The following GALNT17 variants were observed in gnomAD, a reference collection of about 807,000 sequenced individuals.
GALNT17 encodes UDP-GalNAc:polypeptide N-acetylgalactosaminyltransferase-like 3.
GALNT17 carries 29 observed loss-of-function variants against 63.7 expected under a neutral mutation model. The observed-to-expected ratio is 0.46, with a 90% confidence interval of 0.34 to 0.62. The LOEUF (loss-of-function observed/expected upper bound fraction) is 0.62, where lower values mean the gene tolerates loss of function less well. GALNT17 is among the 20% of genes least tolerant of loss of function. GALNT17 has a pLI of 0.01. For missense variants in GALNT17, 603 were observed against 799.6 expected (o/e 0.75, Z 2.97); for synonymous variants, 305 against 318.3 (o/e 0.96, Z 0.45).
chr7:71,355,573 C>T (rs538317862), intron 2 of GALNT17, among the ~76,000 whole-genome samples: 146 of 152,034 alleles, frequency 9.6e-4, no homozygotes, highest in Admixed American at 2.3e-3. Flanking sequence ...CACTCTGTCA[C>T]CTAGGCTGGA....
At chr7:71,611,491 A>G (rs1790125065) in intron 6 of GALNT17, among the ~76,000 whole-genome samples, 1 of 152,128 alleles carries the variant, frequency 6.6e-6, no homozygotes, top group African/African-American at 2.4e-5. Flanking sequence ...CCAATAGCTT[A>G]TACGCTTCTG....
chr7:71,614,086 G>T (rs1790163815), intron 6 of GALNT17, among the ~76,000 whole-genome samples: 1 of 152,068 alleles, frequency 6.6e-6, no homozygotes, highest in African/African-American at 2.4e-5. Flanking sequence ...TGATAAAACT[G>T]TTTAGACTTG....
At chr7:71,465,110 C>G (rs1179757130) in intron 5 of GALNT17, among the ~76,000 whole-genome samples, 1 of 152,180 alleles carries the variant, frequency 6.6e-6, no homozygotes, top group Non-Finnish European at 1.5e-5. Flanking sequence ...CCAATGGCCA[C>G]AGACATCTAG....
intron 5 of GALNT17, among the ~76,000 whole-genome samples, chr7:71,560,193 C>CAAAA (rs57189106): frequency 2.5e-4 from 24 of 94,430 alleles, no homozygotes; most frequent in African/African-American, 5.1e-4. Flanking sequence ...GACTCCATCT[C>CAAAA]AAAAAAAAAA....
intron 2 of GALNT17, among the ~76,000 whole-genome samples, chr7:71,341,078 T>TA (rs1240121502): frequency 6.6e-6 from 1 of 151,976 alleles, no homozygotes; most frequent in Non-Finnish European, 1.5e-5. Context: ...TCTTAAAAGT[T>TA]AAAAGTTAGA....
At chr7:71,383,521 C>A (rs1204363045) in intron 2 of GALNT17, among the ~76,000 whole-genome samples, 1 of 152,018 alleles carries the variant, frequency 6.6e-6, no homozygotes, top group Non-Finnish European at 1.5e-5. Flanking sequence ...TCACTGTAAC[C>A]CTGAAGTCCT....
chr7:71,296,718 G>GTT (rs892285931), intron 1 of GALNT17, among the ~76,000 whole-genome samples: 5 of 148,612 alleles, frequency 3.4e-5, no homozygotes, highest in African/African-American at 9.8e-5. Flanking sequence ...AAAAAAACGT[G>GTT]TTTTTTTTTA....
intron 5 of GALNT17, among the ~76,000 whole-genome samples, chr7:71,516,482 C>T (rs528461071): frequency 6.6e-6 from 1 of 152,186 alleles, no homozygotes; most frequent in Non-Finnish European, 1.5e-5. Flanking sequence ...TTGCAGTACA[C>T]CTGGACATCT....
chr7:71,462,230 T>C lies in GALNT17; in HGVS notation c.962+41125T>C, dbSNP rs183804295. On this transcript the variant is annotated intron_variant, in intron 5 of 10. Coordinates refer to ENST00000333538, the MANE Select transcript of GALNT17 (RefSeq NM_022479.3). ...AAATTCTGGCCCTTTCATCCTCTTT[T>C]CAAGATTATTCATTCCTCACCCTCA... 4.7e-4 allele frequency among the ~76,000 whole-genome samples: 72 copies of C among 152,214 alleles called. 1 individual carries two copies. The East Asian group carries it at 0.012, about 26-fold the overall frequency.
At chr7:71,481,337 A>G (rs891848705) in intron 5 of GALNT17, among the ~76,000 whole-genome samples, 4 of 152,042 alleles carry the variant, frequency 2.6e-5, no homozygotes, top group Non-Finnish European at 1.5e-5. Context: ...TGTAATCCCA[A>G]CTACTGGGGA....
chr7:71,642,115 C>G (rs1193055544), intron 6 of GALNT17, among the ~76,000 whole-genome samples: 1 of 152,108 alleles, frequency 6.6e-6, no homozygotes, highest in Non-Finnish European at 1.5e-5. Context: ...GATGCTCATT[C>G]AGTGATCCAG....
chr7:71,221,678 G>A (rs905597509), intron 1 of GALNT17, among the ~76,000 whole-genome samples: 1 of 152,138 alleles, frequency 6.6e-6, no homozygotes, highest in African/African-American at 2.4e-5. Flanking sequence ...CTGCAGTGGA[G>A]GAATCTGACC....
intron 6 of GALNT17, among the ~76,000 whole-genome samples, chr7:71,659,353 A>C (rs951723977): frequency 6.6e-6 from 1 of 152,222 alleles, no homozygotes; most frequent in African/African-American, 2.4e-5. Context: ...GGCTGCGGTC[A>C]GCCAGGTGGT....
At chr7:71,707,233 A>G (rs927176868) in intron 9 of GALNT17, among the ~76,000 whole-genome samples, 1 of 152,128 alleles carries the variant, frequency 6.6e-6, no homozygotes, top group African/African-American at 2.4e-5. Context: ...CACCACAGTT[A>G]TGTGCTCAAC....
At chr7:71,630,291 C>A (rs1419371340) in intron 6 of GALNT17, among the ~76,000 whole-genome samples, 1 of 152,184 alleles carries the variant, frequency 6.6e-6, no homozygotes, top group Admixed American at 6.5e-5. Flanking sequence ...CATTAAGGCT[C>A]AAGATAAGGA....
At chr7:71,620,580 CAAAA>C (rs896560228) in intron 6 of GALNT17, among the ~76,000 whole-genome samples, 2 of 152,062 alleles carry the variant, frequency 1.3e-5, no homozygotes, top group Non-Finnish European at 2.9e-5. Context: ...TTGGAATTAA[CAAAA>C]AAAGGCACAA....
intron 1 of GALNT17, among the ~76,000 whole-genome samples, chr7:71,207,720 C>T (rs368259235): frequency 6.6e-6 from 1 of 152,170 alleles, no homozygotes; most frequent in African/African-American, 2.4e-5. Flanking sequence ...CACCCACTCA[C>T]TGGTCCTTGG....
At chr7:71,418,755 G>T (rs1477408117) in intron 4 of GALNT17, among the ~76,000 whole-genome samples, 1 of 152,178 alleles carries the variant, frequency 6.6e-6, no homozygotes, top group African/African-American at 2.4e-5. Context: ...GCAAATTATT[G>T]GGAATCGTCA....
intron 6 of GALNT17, among the ~76,000 whole-genome samples, chr7:71,653,691 G>A (rs1470191634): frequency 1.3e-5 from 2 of 152,200 alleles, no homozygotes; most frequent in African/African-American, 4.8e-5. Context: ...ACAGACATGA[G>A]CCACCACGCC....
Sources: gnomAD v4.1 joint callset for allele counts (sites outside exome capture counted in the v4.1 genomes callset) on GRCh38, gnomAD v4.1.1 for gene constraint, MANE v1.5 for transcripts, NCBI Gene and HGNC (gene_info 2026-07-23, HGNC 2026-07-21) for gene names.